The following DPEP1 variants were observed in gnomAD, a reference collection of about 807,000 sequenced individuals.
DPEP1 encodes beta-lactamase.
DPEP1 carries 50 observed loss-of-function variants against 42.3 expected under a neutral mutation model. The observed-to-expected ratio is 1.18, with a 90% confidence interval of 0.94 to 1.50. The LOEUF is 1.50. DPEP1 is among the 40% of genes most tolerant of loss of function. The probability of loss-of-function intolerance (pLI) is 0.00; values close to 1 mark genes in which losing one functional copy is unlikely to be tolerated. For synonymous variants in DPEP1, 297 were observed against 234.0 expected (o/e 1.27, Z -2.46); for missense variants, 663 against 553.0 (o/e 1.20, Z -1.99).
Position 89,637,252 on chromosome 16 carries a change from C to G in DPEP1, c.640C>G (p.His214Asp). 1 of 1,612,752 alleles carries G rather than the reference C, an allele frequency of 6.2e-7. No homozygotes were observed. The highest frequency in any genetic ancestry group is 8.5e-7 in the Non-Finnish European group (1 of 1,179,968). Residue 214 changes from histidine to aspartate, a missense_variant, in exon 7 of 11, where the codon CAC (histidine) becomes GAC (aspartate). His to Asp is a moderately conservative substitution (Grantham distance 81). Coordinates refer to ENST00000690203, the MANE Select transcript of DPEP1 (RefSeq NM_001389466.1). ...NRLGVLIDLA[H>D]VSVATMKATL... is the part of the protein sequence containing the mutation. The stretch of plus-strand genomic sequence containing the variant: ...TCTGGGGGTCCTCATCGACTTGGCT[C>G]ACGTGTCTGTGGCCACCATGAAGGC...
Position 89,638,260 on chromosome 16 carries a change from G to C in DPEP1, c.*38G>C. On this transcript the variant is annotated 3_prime_UTR_variant, in exon 11 of 11. Coordinates refer to ENST00000690203, the MANE Select transcript of DPEP1 (RefSeq NM_001389466.1). ...CAGAGTCCCCTTTAGGGTTCCCGGAGCTCCGGGAAGACCCGCCCATCCCAG... is the reference window on the plus strand; with the variant it reads ...CAGAGTCCCCTTTAGGGTTCCCGGACCTCCGGGAAGACCCGCCCATCCCAG... The C allele has an allele frequency of 1.3e-6, 2 of 1,502,930 alleles. No homozygotes were observed. The highest frequency in any genetic ancestry group is 1.8e-6 in the Non-Finnish European group (2 of 1,127,800). 93.1% of individuals were successfully genotyped at this position (1,502,930 alleles called of 1,614,324 possible). A position where few individuals can be genotyped will look rare whatever the true frequency, so the allele number is the denominator to read the frequency against.
intron 1 of DPEP1, among the ~76,000 whole-genome samples, chr16:89,626,971 C>T (rs2059521469): frequency 1.3e-5 from 2 of 151,470 alleles, no homozygotes; most frequent in Non-Finnish European, 1.5e-5. Context: ...AAAAATTAGT[C>T]AGACGTGGGG....
chr16:89,628,796 G>A (rs977021257), intron 1 of DPEP1, among the ~76,000 whole-genome samples: 1 of 152,072 alleles, frequency 6.6e-6, no homozygotes, highest in South Asian at 2.1e-4. Context: ...TTATTTTAAA[G>A]GTTTGTGGGG....
chr16:89,636,996 C>G, intron 6 of DPEP1, 61 bp downstream of exon 6: 4 of 1,596,714 alleles, frequency 2.5e-6, no homozygotes, highest in African/African-American at 1.3e-5. Context: ...TGGAGGGTGA[C>G]CAGAACAATG....
chr16:89,639,522 C>G (rs2059728668), downstream of DPEP1, among the ~76,000 whole-genome samples: 1 of 130,496 alleles, frequency 7.7e-6, no homozygotes, highest in Admixed American at 7.7e-5. Context: ...CATCCTTGCA[C>G]ACACACCCCC....
rs759612987 is a variant in DPEP1 at position 89,637,501 on chromosome 16, TACA to T, written c.807_809del (p.Asn270del). ...AGACAGCCTGGTGATGGTGAACTTCTACAACAATTACATTTCCTGCACCAACAA... is the reference window on the plus strand; with the variant it reads ...AGACAGCCTGGTGATGGTGAACTTCTACAATTACATTTCCTGCACCAACAA... On this transcript the variant is annotated inframe_deletion, in exon 8 of 11. Coordinates refer to ENST00000690203, the MANE Select transcript of DPEP1 (RefSeq NM_001389466.1). The T allele has an allele frequency of 1.4e-5, 22 of 1,612,708 alleles. 1 individual carries two copies. In the Middle Eastern group the frequency reaches 9.9e-4, roughly 72 times the overall value.
intron 1 of DPEP1, among the ~76,000 whole-genome samples, chr16:89,623,311 G>A (rs1004841578): frequency 1.3e-5 from 2 of 151,806 alleles, no homozygotes; most frequent in Non-Finnish European, 2.9e-5. Context: ...AAATGCTCAT[G>A]CCTTCCGGCT....
At chr16:89,640,248 C>G (rs907329940), downstream of DPEP1, among the ~76,000 whole-genome samples, 1 of 152,224 alleles carries the variant, frequency 6.6e-6, no homozygotes. Flanking sequence ...GGGGACTGCC[C>G]TCACAGCCCC....
chr16:89,619,783 CACCCCCTCCCTGCAGCGCCCT>C lies in DPEP1; in HGVS notation c.-107+6065_-107+6085del, dbSNP rs1423048512. Among the ~76,000 whole-genome samples the C allele has an allele frequency of 5.4e-3, 12 of 2,234 alleles. 1 individual carries two copies. The highest frequency in any genetic ancestry group is 0.039 in the East Asian group (6 of 154). 1.5% of individuals were successfully genotyped at this position (2,234 alleles called of 152,430 possible). On this transcript the variant is annotated intron_variant, in intron 1 of 10. Transcript: ENST00000690203. The stretch of plus-strand genomic sequence containing the variant: ...CTGCTCCCCTCCCTGCAGCCCCCTG[CACCCCCTCCCTGCAGCGCCCT>C]GTGCCCCCCACTCCCCTCTCTGCAG...
chr16:89,628,747 C>G (rs2059548285), intron 1 of DPEP1, among the ~76,000 whole-genome samples: 1 of 151,660 alleles, frequency 6.6e-6, no homozygotes. Context: ...AGTATTGGAG[C>G]TGAAGGCAAA....
chr16:89,635,434 A>T (rs1371964898), intron 2 of DPEP1, among the ~76,000 whole-genome samples: 1 of 152,210 alleles, frequency 6.6e-6, no homozygotes, highest in African/African-American at 2.4e-5. Context: ...TGGGGGTCCC[A>T]GGCCCCCCAA....
At chr16:89,631,934 A>G (rs1483640932) in intron 2 of DPEP1, among the ~76,000 whole-genome samples, 1 of 152,136 alleles carries the variant, frequency 6.6e-6, no homozygotes, top group African/African-American at 2.4e-5. Context: ...CATGGTTTAA[A>G]ATGGCCATGC....
At chr16:89,620,283 G>A (rs3764254) in intron 1 of DPEP1, among the ~76,000 whole-genome samples, 1 of 152,026 alleles carries the variant, frequency 6.6e-6, no homozygotes, top group Non-Finnish European at 1.5e-5. Context: ...GGGTCTGCCA[G>A]TGGGGGGGAC....
intron 9 of DPEP1, 53 bp from the exon 10 acceptor site, chr16:89,637,783 G>T: frequency 6.2e-7 from 1 of 1,612,692 alleles, no homozygotes; most frequent in Non-Finnish European, 8.5e-7. Context: ...GGTGGCTGGA[G>T]GAGGGACCTG....
chr16:89,641,032 G>C (rs868325876), downstream of DPEP1, among the ~76,000 whole-genome samples: 1 of 151,964 alleles, frequency 6.6e-6, no homozygotes, highest in Admixed American at 6.6e-5. Context: ...CCGAGGCGGA[G>C]AGAGAGAGAG....
chr16:89,614,466 A>C (rs2059361829), intron 1 of DPEP1, among the ~76,000 whole-genome samples: 1 of 152,164 alleles, frequency 6.6e-6, no homozygotes, highest in Admixed American at 6.5e-5. Flanking sequence ...CGGCCCCACA[A>C]TTTCCTTCCA....
At chr16:89,618,935 T>C (rs7404028) in intron 1 of DPEP1, among the ~76,000 whole-genome samples, 34,081 of 60,210 alleles carry the variant, frequency 0.57, 10,183 homozygotes, top group Middle Eastern at 0.73. Context: ...TCCCTGCAGC[T>C]CCCTGCCCCC....
At chr16:89,629,583 C>A (rs1039411150) in intron 1 of DPEP1, among the ~76,000 whole-genome samples, 4 of 151,542 alleles carry the variant, frequency 2.6e-5, no homozygotes, top group African/African-American at 9.7e-5. Flanking sequence ...CAGTGCTCAG[C>A]CCACTGTCCC....
At chr16:89,636,120 T>A (rs2059675181) in intron 3 of DPEP1, 80 bp downstream of exon 3, 2 of 1,552,530 alleles carry the variant, frequency 1.3e-6, no homozygotes, top group Admixed American at 3.8e-5. Flanking sequence ...AGTGGGACCA[T>A]CCCTGTGGTG....
Sources: allele counts gnomAD v4.1 joint callset (sites outside exome capture counted in the v4.1 genomes callset), GRCh38; gene constraint gnomAD v4.1.1; transcripts MANE v1.5; gene names NCBI Gene and HGNC (gene_info 2026-07-23, HGNC 2026-07-21).